Variants in CFAP47 observed in about 807,000 individuals in gnomAD.
CFAP47 encodes cilia and flagella associated protein 47.
A neutral mutation model predicts 148.1 loss-of-function variants in CFAP47; 29 were observed. The observed-to-expected ratio is 0.20, with a 90% CI of 0.15 to 0.27. The LOEUF (loss-of-function observed/expected upper bound fraction) is 0.27, where lower values mean the gene tolerates loss of function less well. CFAP47 is among the 10% of genes least tolerant of loss of function. The pLI is 1.00. For synonymous variants in CFAP47, 664 were observed against 577.3 expected (o/e 1.15, Z -2.15); for missense variants, 1,872 against 1,697.5 (o/e 1.10, Z -1.81).
intron 15 of CFAP47, among the ~76,000 whole-genome samples, chrX:35,977,395 A>G (rs1157478890): frequency 9.0e-6 from 1 of 111,713 alleles, no homozygotes; most frequent in African/African-American, 3.2e-5. Context: ...ATGGGTAGCC[A>G]TTTTATTACG....
At chrX:36,277,589 G>A (rs1427207237) in intron 49 of CFAP47, among the ~76,000 whole-genome samples, 1 of 112,169 alleles carries the variant, frequency 8.9e-6, no homozygotes, top group African/African-American at 3.2e-5. Flanking sequence ...TCTATTATAT[G>A]CACAGCTACA....
chrX:36,057,587 TA>T (rs935573222), intron 26 of CFAP47, among the ~76,000 whole-genome samples: 1 of 111,923 alleles, frequency 8.9e-6, no homozygotes, highest in Non-Finnish European at 1.9e-5. Flanking sequence ...TATATTCTAC[TA>T]AAAATATAGA....
chrX:36,148,899 G>GTA (rs1208560163), intron 36 of CFAP47, among the ~76,000 whole-genome samples: 3 of 97,010 alleles, frequency 3.1e-5, no homozygotes, highest in African/African-American at 1.3e-4. Context: ...TAAACTGTAT[G>GTA]TATGTGTGTG....
At chrX:36,180,201 G>C (rs1186456402) in intron 40 of CFAP47, among the ~76,000 whole-genome samples, 2 of 111,347 alleles carry the variant, frequency 1.8e-5, no homozygotes, top group Non-Finnish European at 3.8e-5. Context: ...CTTTATGAGG[G>C]CTATATTTAG....
chrX:36,129,932 A>C (rs892948750), intron 33 of CFAP47, among the ~76,000 whole-genome samples: 3 of 111,735 alleles, frequency 2.7e-5, no homozygotes, highest in Non-Finnish European at 5.7e-5. Flanking sequence ...AAAATATTTG[A>C]ATAGACATTT....
At chrX:36,283,316 C>G (rs1258641271) in intron 50 of CFAP47, among the ~76,000 whole-genome samples, 7 of 111,459 alleles carry the variant, frequency 6.3e-5, no homozygotes, top group Admixed American at 4.8e-4. Context: ...AAATCATTCA[C>G]CAATCCCACT....
rs782479133 is a variant in CFAP47, at chrX:36,191,937, C to T, written c.6321+1741C>T. Among the ~76,000 whole-genome samples, 3 of 110,856 alleles carry T rather than the reference C, an allele frequency of 2.7e-5. No individual in the cohort carries two copies. The South Asian group carries it at 1.1e-3, about 42-fold the overall frequency. ...GGTGGAGGCTGCAGTGAGCCGAGAT[C>T]ATGCCACTGCACTGTAAGCCTGGGC... On this transcript the variant is annotated intron_variant, in intron 42 of 63. Coordinates refer to ENST00000378653, the MANE Select transcript of CFAP47 (RefSeq NM_001304548.2).
chrX:35,953,734 A>G lies in CFAP47; in HGVS notation c.1174+15A>G. The G allele has an allele frequency of 8.6e-7, 1 of 1,162,898 alleles. No homozygotes were observed. The highest frequency in any genetic ancestry group is 1.2e-6 in the Non-Finnish European group (1 of 861,642). ...AACCATCAAAAGTAAGTGTGAAATT[A>G]ACAAAATTATCAAATCCGTAGCCAT... is the stretch of plus-strand genomic sequence containing the variant. On this transcript the variant is annotated intron_variant, in intron 7 of 63. Transcript: ENST00000378653.
In CFAP47 at chrX:36,085,340, C is replaced by T. The variant is rs758127430; in HGVS notation, c.4718C>T (p.Ser1573Leu). ...RRDVYKMQFYSSTSPPQKFSR... is the reference protein window; with the variant it reads ...RRDVYKMQFYLSTSPPQKFSR... ...GATGTATATAAAATGCAATTCTACTCATCAACCTCGCCACCCCAAAAGTTT... is the reference window on the plus strand; with the variant it reads ...GATGTATATAAAATGCAATTCTACTTATCAACCTCGCCACCCCAAAAGTTT... The change falls in exon 30 of 64, where the codon TCA (serine) becomes TTA (leucine). Residue 1573 changes from serine to leucine, a missense_variant. Transcript: ENST00000378653. The T allele has an allele frequency of 8.3e-7, 1 of 1,199,941 alleles. No homozygotes were observed. Among genetic ancestry groups the T allele is most frequent in the Non-Finnish European group, 1.1e-6 (1 of 886,300 alleles).
At chrX:36,295,216 T>C (rs2146953729) in intron 51 of CFAP47, among the ~76,000 whole-genome samples, 1 of 112,539 alleles carries the variant, frequency 8.9e-6, no homozygotes, top group East Asian at 2.8e-4. Context: ...ACTGTTTTAC[T>C]TGAGTTTCAA....
Position 35,976,461 on chromosome X carries a change from G to T in CFAP47, c.2713+548G>T, listed in dbSNP as rs144157332. ...TATATGCATATCAAATCATTATGTT[G>T]TACACCTTGAATGTATACAGTCTTT... On this transcript the variant is annotated intron_variant, in intron 15 of 63. Transcript: ENST00000378653. Among the ~76,000 whole-genome samples the T allele has an allele frequency of 5.8e-3, 651 of 111,420 alleles. 7 individuals carry two copies. Among genetic ancestry groups the T allele is most frequent in the African/African-American group, 0.02 (625 of 30,655 alleles).
chrX:36,215,881 G>A (rs1285477216), intron 45 of CFAP47, among the ~76,000 whole-genome samples: 1 of 111,601 alleles, frequency 9.0e-6, no homozygotes, highest in Non-Finnish European at 1.9e-5. Flanking sequence ...CCTCTCCGGG[G>A]GAGGTCAACT....
intron 35 of CFAP47, among the ~76,000 whole-genome samples, chrX:36,139,513 G>T (rs1235879738): frequency 9.0e-6 from 1 of 111,556 alleles, no homozygotes; most frequent in East Asian, 2.8e-4. Context: ...AGGATGGACC[G>T]AGAGGAAAGG....
At chrX:36,204,174 C>T (rs1940013144) in intron 44 of CFAP47, among the ~76,000 whole-genome samples, 1 of 110,499 alleles carries the variant, frequency 9.0e-6, no homozygotes, top group Admixed American at 9.7e-5. Flanking sequence ...GAGTAGGTTG[C>T]AAAAATTTTC....
intron 33 of CFAP47, among the ~76,000 whole-genome samples, chrX:36,107,297 T>C (rs1485802023): frequency 8.9e-6 from 1 of 112,069 alleles, no homozygotes; most frequent in East Asian, 2.8e-4. Context: ...CCATTGCAAT[T>C]TATGTAAAAT....
At chrX:36,003,442 G>T (rs1387927010) in intron 21 of CFAP47, among the ~76,000 whole-genome samples, 6 of 108,069 alleles carry the variant, frequency 5.6e-5, no homozygotes, top group African/African-American at 2.0e-4. Flanking sequence ...TGAATATCAG[G>T]CTAATATTGG....
At chrX:35,944,452 A>G (rs1159587406) in intron 3 of CFAP47, among the ~76,000 whole-genome samples, 1 of 111,927 alleles carries the variant, frequency 8.9e-6, no homozygotes, top group East Asian at 2.8e-4. Context: ...TTAAACCCAG[A>G]AGGAACCTGT....
chrX:36,382,095 A>G, intron 63 of CFAP47, among the ~76,000 whole-genome samples: 1 of 111,118 alleles, frequency 9.0e-6, no homozygotes, highest in African/African-American at 3.3e-5. Context: ...CAAGTACCAT[A>G]TTTGCTATGT....
intron 45 of CFAP47, among the ~76,000 whole-genome samples, chrX:36,223,105 G>C (rs1045027066): frequency 9.0e-6 from 1 of 111,184 alleles, no homozygotes; most frequent in Non-Finnish European, 1.9e-5. Context: ...GCCTGCTCCT[G>C]CTTTGTCTTC....
Sources: gnomAD v4.1 joint callset for allele counts (sites outside exome capture counted in the v4.1 genomes callset) on GRCh38, gnomAD v4.1.1 for gene constraint, MANE v1.5 for transcripts, NCBI Gene and HGNC (gene_info 2026-07-23, HGNC 2026-07-21) for gene names.